GLB1: variants seen among roughly 807,000 people sequenced by gnomAD.
GLB1 encodes the protein galactosidase beta 1.
In GLB1, 56 loss-of-function variants were observed where a neutral mutation model predicts 74.0. The ratio of observed to expected loss-of-function variants is 0.76; its 90% confidence interval spans 0.61 to 0.94. GLB1 has a LOEUF of 0.94. Among genes scored for constraint, GLB1 ranks in the 40% least tolerant of loss-of-function variants. The probability of loss-of-function intolerance (pLI) is 0.00; values close to 1 mark genes in which losing one functional copy is unlikely to be tolerated. For synonymous variants in GLB1, 323 were observed against 323.6 expected (o/e 1.00, Z 0.02); for missense variants, 787 against 845.5 (o/e 0.93, Z 0.86).
intron 13 of GLB1, among the ~76,000 whole-genome samples, chr3:33,017,479 G>A (rs751485016): frequency 3.3e-5 from 5 of 152,192 alleles, no homozygotes; most frequent in African/African-American, 1.2e-4. Flanking sequence ...AGAGCAGAAT[G>A]TCTTAGTAAT....
At chr3:33,050,481 C>T (rs772317177) in intron 9 of GLB1, among the ~76,000 whole-genome samples, 1 of 152,166 alleles carries the variant, frequency 6.6e-6, no homozygotes, top group Non-Finnish European at 1.5e-5. Flanking sequence ...AGCACTAGTA[C>T]GTGCAACAAC....
At chr3:33,065,261 C>T (rs1417735035) in intron 5 of GLB1, among the ~76,000 whole-genome samples, 1 of 152,196 alleles carries the variant, frequency 6.6e-6, no homozygotes, top group East Asian at 1.9e-4. Context: ...ACAAGGCACC[C>T]AGCACAAAGC....
intron 10 of GLB1, chr3:33,045,193 T>C (rs1172810111): frequency 2.8e-6 from 1 of 356,444 alleles, no homozygotes; most frequent in African/African-American, 2.2e-5. Context: ...GATGCTGTAA[T>C]CCCAGTTTTA....
In GLB1 at chr3:33,070,902, G is replaced by GA. The variant is rs1265083674; in HGVS notation, c.245+1641dup. Among the ~76,000 whole-genome samples the GA allele has an allele frequency of 5.3e-5, 8 of 152,222 alleles. No individual in the cohort carries two copies. The Middle Eastern group carries it at 0.01, about 194-fold the overall frequency. ...TTATATATGTCCATGTGAGGCTTAG[G>GA]AAAAATAAGAATATTTTGCTGAAAA... On this transcript the variant is annotated intron_variant, in intron 2 of 15. Coordinates refer to ENST00000307363, the MANE Select transcript of GLB1 (RefSeq NM_000404.4).
chr3:33,044,784 A>G (rs1698674087), intron 10 of GLB1, among the ~76,000 whole-genome samples: 2 of 152,140 alleles, frequency 1.3e-5, no homozygotes, highest in Non-Finnish European at 2.9e-5. Context: ...TAGGCAGAAA[A>G]CCTTTGTTTT....
chr3:32,997,867 G>C (rs1309606546), intron 15 of GLB1, among the ~76,000 whole-genome samples: 2 of 152,246 alleles, frequency 1.3e-5, no homozygotes, highest in East Asian at 3.8e-4. Flanking sequence ...ACAGGGAACA[G>C]AGGACTCCAG....
chr3:33,048,175 A>C (rs556241144), intron 9 of GLB1, among the ~76,000 whole-genome samples: 1 of 152,186 alleles, frequency 6.6e-6, no homozygotes, highest in East Asian at 1.9e-4. Flanking sequence ...TTGAGTTGGG[A>C]AAGTGTGACC....
intron 2 of GLB1, among the ~76,000 whole-genome samples, chr3:33,069,366 CAG>C (rs1360226525): frequency 2.6e-5 from 4 of 151,986 alleles, no homozygotes; most frequent in Non-Finnish European, 5.9e-5. Flanking sequence ...AACTGGATGA[CAG>C]AGTGAGACCC....
At chr3:33,065,631 T>G (rs773465206) in intron 4 of GLB1, 74 bp from the exon 5 acceptor site, 10 of 1,505,064 alleles carry the variant, frequency 6.6e-6, no homozygotes, top group Non-Finnish European at 9.0e-6. Flanking sequence ...CAGGATGGCT[T>G]TGAATGTGGC....
In GLB1 at chr3:33,051,691, C is replaced by T. The variant is rs1375960365; in HGVS notation, c.955+67G>A. On this transcript the variant is annotated intron_variant, in intron 9 of 15. Transcript: ENST00000307363. ...GAAAATAAAATTGTCTGTGGGCACA[C>T]CCCTCCTCAAATTAATCAACAGAAA... The T allele has an allele frequency of 4.3e-6, 7 of 1,609,608 alleles. No individual in the cohort carries two copies. The African/African-American group carries it at 5.4e-5, about 12-fold the overall frequency.
intron 1 of GLB1, among the ~76,000 whole-genome samples, chr3:33,084,936 G>GAAGT (rs1167910512): frequency 1.3e-5 from 2 of 152,156 alleles, no homozygotes; most frequent in African/African-American, 4.8e-5. Context: ...TAGGATAAAA[G>GAAGT]AAGTAAGTAA....
chr3:33,030,843 G>A (rs192316053), intron 10 of GLB1: 11 of 985,002 alleles, frequency 1.1e-5, no homozygotes, highest in Admixed American at 6.1e-5. Context: ...CTCTTAAAAT[G>A]GGTCTTAAGT....
At chr3:33,063,654 G>C (rs1352228467) in intron 5 of GLB1, among the ~76,000 whole-genome samples, 1 of 152,122 alleles carries the variant, frequency 6.6e-6, no homozygotes, top group Admixed American at 6.5e-5. Flanking sequence ...GAGAGGCAGA[G>C]ACTGAAAAAA....
chr3:33,041,198 T>C (rs530959920), intron 10 of GLB1, among the ~76,000 whole-genome samples: 10 of 152,302 alleles, frequency 6.6e-5, no homozygotes, highest in African/African-American at 2.2e-4. Context: ...CTTAGATTCA[T>C]CACAGAGAAA....
At chr3:33,045,619 A>T in intron 10 of GLB1, 1 of 990,794 alleles carries the variant, frequency 1.0e-6, no homozygotes, top group Non-Finnish European at 1.2e-6. Context: ...AAATAAAGAA[A>T]CCAGAGCTTA....
At chr3:33,029,956 GAAAAAA>G (rs55651344) in intron 10 of GLB1, 9 of 130,236 alleles carry the variant, frequency 6.9e-5, no homozygotes, top group African/African-American at 2.3e-4. Context: ...TAAAAGTTAA[GAAAAAA>G]AAAAAAAAAG....
At chr3:33,092,323 CA>C (rs1411313192) in intron 1 of GLB1, 1 of 987,246 alleles carries the variant, frequency 1.0e-6, no homozygotes, top group Non-Finnish European at 1.2e-6. Context: ...CTCTAGCAGC[CA>C]GAGGGCCCTT....
chr3:33,021,095 GAAA>G (rs10596366), intron 12 of GLB1, among the ~76,000 whole-genome samples: 321 of 125,238 alleles, frequency 2.6e-3, no homozygotes, highest in African/African-American at 7.1e-3. Context: ...TACAAACACT[GAAA>G]AAAAAAAAAA....
chr3:33,038,244 C>T (rs575435102), intron 10 of GLB1, among the ~76,000 whole-genome samples: 33 of 152,218 alleles, frequency 2.2e-4, no homozygotes, highest in Admixed American at 1.3e-3. Flanking sequence ...GCATTTAACA[C>T]GGAAATTGTA....
Sources: gnomAD v4.1 joint callset for allele counts (sites outside exome capture counted in the v4.1 genomes callset) on GRCh38, gnomAD v4.1.1 for gene constraint, MANE v1.5 for transcripts, NCBI Gene and HGNC (gene_info 2026-07-23, HGNC 2026-07-21) for gene names.